CCDC180: variants seen among roughly 807,000 people sequenced by gnomAD.
CCDC180 encodes coiled-coil domain-containing protein 180.
Under a neutral mutation model 209.2 loss-of-function variants are expected in CCDC180, and 154 were observed. The ratio of observed to expected loss-of-function variants is 0.74; its 90% CI spans 0.65 to 0.84. The LOEUF (loss-of-function observed/expected upper bound fraction) is 0.84, where lower values mean the gene tolerates loss of function less well. Among genes scored for constraint, CCDC180 ranks in the 40% least tolerant of loss-of-function variants. The probability of loss-of-function intolerance (pLI) is 0.00; values close to 1 mark genes in which losing one functional copy is unlikely to be tolerated. For synonymous variants in CCDC180, 778 were observed against 749.1 expected, an observed-to-expected ratio of 1.04 and a Z score of -0.63; for missense variants, 1,874 against 1,997.3, an observed-to-expected ratio of 0.94 and a Z score of 1.18.
intron 29 of CCDC180, chr9:97,364,617 C>T (rs578206890): frequency 1.2e-5 from 2 of 164,452 alleles, no homozygotes; most frequent in South Asian, 3.2e-4. Flanking sequence ...CAGCGGCCCC[C>T]TCTCATCAGC....
intron 15 of CCDC180, among the ~76,000 whole-genome samples, chr9:97,326,893 G>T (rs1833551793): frequency 6.6e-6 from 1 of 152,194 alleles, no homozygotes; most frequent in South Asian, 2.1e-4. Flanking sequence ...AAGCAATGCA[G>T]CTTAAGTTCA....
chr9:97,371,453 C>T, intron 33 of CCDC180, 142 bp from the exon 34 acceptor site: 1 of 493,140 alleles, frequency 2.0e-6, no homozygotes, highest in East Asian at 2.9e-5. Flanking sequence ...TGGCTGAGGG[C>T]CAGATGCTGG....
intron 34 of CCDC180, 37 bp from the exon 35 acceptor site, chr9:97,374,506 G>C: frequency 1.3e-6 from 2 of 1,511,616 alleles, no homozygotes; most frequent in Middle Eastern, 1.7e-4. Context: ...CAGGCTGTCG[G>C]TGAGGCTGCA....
At chr9:97,329,017 C>T (rs1269281517) in intron 16 of CCDC180, among the ~76,000 whole-genome samples, 1 of 152,160 alleles carries the variant, frequency 6.6e-6, no homozygotes, top group African/African-American at 2.4e-5. Flanking sequence ...AGCCATAGTC[C>T]TGCCTGGCCT....
At chr9:97,314,762 G>C (rs368264701) in intron 7 of CCDC180, 34 bp downstream of exon 7, 1 of 1,605,384 alleles carries the variant, frequency 6.2e-7, no homozygotes, top group Non-Finnish European at 8.5e-7. Flanking sequence ...TGTGGTGACT[G>C]TCACTTGCCG....
intron 1 of CCDC180, 46 bp from the exon 2 acceptor site, chr9:97,307,937 C>T: frequency 6.3e-7 from 1 of 1,581,638 alleles, no homozygotes; most frequent in South Asian, 1.2e-5. Flanking sequence ...CGTCGTCCCG[C>T]CTGGACCTGA....
chr9:97,355,153 T>C (rs1826542286), intron 24 of CCDC180, 145 bp downstream of exon 24: 1 of 608,988 alleles, frequency 1.6e-6, no homozygotes. Context: ...CAATCTTTTT[T>C]TTCTTTTTTT....
rs116737386 is a variant in CCDC180 at position 97,374,152 on chromosome 9, T to G, written c.4601-391T>G. On this transcript the variant is annotated intron_variant, in intron 34 of 36. Transcript: ENST00000529487. ...AAGATTGGATTATTGAGCTAGATAG[T>G]CAAGGGACAACCTTGAACGTGTTTG... 329 of 174,430 alleles carry G rather than the reference T, an allele frequency of 1.9e-3. 1 individual carries two copies. Among genetic ancestry groups the G allele is most frequent in the African/African-American group, 7.2e-3 (301 of 42,044 alleles). 10.8% of individuals were successfully genotyped at this position (174,430 alleles called of 1,614,324 possible).
chr9:97,309,717 C>A, intron 3 of CCDC180, 113 bp downstream of exon 3: 1 of 845,730 alleles, frequency 1.2e-6, no homozygotes, highest in Non-Finnish European at 1.7e-6. Context: ...TCTCAAGTAC[C>A]ACCCCTAAAG....
rs563394180 is a variant in CCDC180 at position 97,326,556 on chromosome 9, G to A, written c.1548G>A (p.Val516=). ...HRQKHSLESQ[V]QEAHLDRLLD... is the part of the protein sequence containing the mutation. Reference sequence around the variant, plus strand: ...CTTGTTTTGGGGGTGGCTTCCAGGTGCAGGAGGCCCACCTCGATAGGCTCT... The same window carrying A: ...CTTGTTTTGGGGGTGGCTTCCAGGTACAGGAGGCCCACCTCGATAGGCTCT... The change falls in exon 15 of 37, where the codon GTG becomes GTA. Residue 516 remains valine (V), a splice_region_variant and synonymous_variant. Coordinates refer to ENST00000529487, the MANE Select transcript of CCDC180 (RefSeq NM_020893.6). The A allele has an allele frequency of 1.2e-5, 20 of 1,601,544 alleles. No homozygotes were observed. In the East Asian group the frequency reaches 1.8e-4, roughly 14 times the overall value.
At chr9:97,328,791 T>G (rs555514694) in intron 16 of CCDC180, among the ~76,000 whole-genome samples, 1 of 152,340 alleles carries the variant, frequency 6.6e-6, no homozygotes, top group African/African-American at 2.4e-5. Flanking sequence ...AACTTTTTTG[T>G]GCTTGGTTGC....
chr9:97,313,799 C>T (rs4743072), intron 5 of CCDC180, among the ~76,000 whole-genome samples: 94,127 of 152,062 alleles, frequency 0.62, 29,909 homozygotes, highest in African/African-American at 0.75. Context: ...ACCTCATCTC[C>T]ACACACACTG....
chr9:97,334,616 A>G (rs778480016), intron 18 of CCDC180, among the ~76,000 whole-genome samples: 2 of 152,142 alleles, frequency 1.3e-5, no homozygotes, highest in Admixed American at 6.6e-5. Context: ...ATGTCCTTAT[A>G]ATATTAAGTT....
chr9:97,326,745 A>G (rs1445936139), intron 15 of CCDC180, 76 bp downstream of exon 15: 3 of 885,520 alleles, frequency 3.4e-6, no homozygotes, highest in Admixed American at 1.9e-5. Context: ...AGCCTGCCCA[A>G]GAGCCCAGGA....
At chr9:97,367,429 G>T (rs73563875) in intron 31 of CCDC180, among the ~76,000 whole-genome samples, 1 of 151,184 alleles carries the variant, frequency 6.6e-6, no homozygotes, top group Non-Finnish European at 1.5e-5. Flanking sequence ...GTATTACCTT[G>T]GCCAAATGAT....
intron 18 of CCDC180, among the ~76,000 whole-genome samples, chr9:97,339,873 C>T (rs976319213): frequency 1.3e-5 from 2 of 152,086 alleles, no homozygotes; most frequent in African/African-American, 4.8e-5. Flanking sequence ...ACTCTTTTTT[C>T]TCTAAACTTC....
At chr9:97,356,098 A>G (rs1005556300) in intron 24 of CCDC180, among the ~76,000 whole-genome samples, 1 of 152,160 alleles carries the variant, frequency 6.6e-6, no homozygotes, top group African/African-American at 2.4e-5. Flanking sequence ...GGAGAGAATC[A>G]TGGCCTGGGC....
At chr9:97,321,410 G>C (rs1274872124) in intron 11 of CCDC180, among the ~76,000 whole-genome samples, 1 of 152,218 alleles carries the variant, frequency 6.6e-6, no homozygotes, top group Non-Finnish European at 1.5e-5. Context: ...CTTGTAGTAA[G>C]AGAAGGGTTT....
Position 97,307,744 on chromosome 9 carries a change from C to T in CCDC180, c.-144C>T, listed in dbSNP as rs577188983. 1.2e-5 allele frequency: 19 copies of T among 1,614,054 alleles called. No homozygotes were observed. In the South Asian group the frequency reaches 1.4e-4, roughly 12 times the overall value. On this transcript the variant is annotated 5_prime_UTR_variant, in exon 1 of 37. Transcript: ENST00000529487. The stretch of plus-strand genomic sequence containing the variant: ...ATTATTCGCGTTCCCAGAGTCCCTT[C>T]GGATTTGCGCCATGCGCGGCGGGGA...
Sources: gnomAD v4.1 joint callset for allele counts (sites outside exome capture counted in the v4.1 genomes callset) on GRCh38, gnomAD v4.1.1 for gene constraint, MANE v1.5 for transcripts, NCBI Gene and HGNC (gene_info 2026-07-23, HGNC 2026-07-21) for gene names.